The following ARHGEF38 variants were observed in gnomAD, a reference collection of about 807,000 sequenced individuals.
The protein encoded by ARHGEF38 is Rho guanine nucleotide exchange factor (GEF) 38.
Under a neutral mutation model 79.9 loss-of-function variants are expected in ARHGEF38, and 79 were observed. The ratio of observed to expected loss-of-function variants is 0.99; its 90% confidence interval spans 0.82 to 1.19. The LOEUF is 1.19. Ranked by LOEUF, ARHGEF38 falls within the 50% of genes most tolerant of loss-of-function variation. ARHGEF38 has a pLI of 0.00. For synonymous variants in ARHGEF38, 366 were observed against 328.3 expected (o/e 1.11, Z -1.24); for missense variants, 962 against 907.2 (o/e 1.06, Z -0.78).
intron 2 of ARHGEF38, among the ~76,000 whole-genome samples, chr4:105,590,489 T>G (rs1727285570): frequency 6.6e-6 from 1 of 152,184 alleles, no homozygotes; most frequent in Admixed American, 6.5e-5. Flanking sequence ...AGCACATATA[T>G]TTTTACATAA....
chr4:105,561,439 A>AATGGAATGGAATGGAATGGAATGGAATG lies in ARHGEF38; in HGVS notation c.196+8478_196+8479insATGGAATGGAATGGAATGGAATGGAATG, dbSNP rs1560684419. On this transcript the variant is annotated intron_variant, in intron 1 of 13. Coordinates refer to ENST00000420470, the MANE Select transcript of ARHGEF38 (RefSeq NM_001242729.2). ...AGAATAGAATGGAATAGAATAGAAT[A>AATGGAATGGAATGGAATGGAATGGAATG]GAATAGAATGGAATAGAATAGAATA... Among the ~76,000 whole-genome samples the AATGGAATGGAATGGAATGGAATGGAATG allele has an allele frequency of 3.8e-4, 17 of 44,702 alleles. 2 individuals are homozygous for AATGGAATGGAATGGAATGGAATGGAATG. The highest frequency in any genetic ancestry group is 1.2e-3 in the African/African-American group (12 of 10,072). The allele number at this position is 44,702 out of a possible 152,430, so 29.3% of individuals were successfully genotyped here.
chr4:105,678,081 A>G lies in ARHGEF38; in HGVS notation c.*144A>G, dbSNP rs1731183310. On this transcript the variant is annotated 3_prime_UTR_variant, in exon 14 of 14. Coordinates refer to ENST00000420470, the MANE Select transcript of ARHGEF38 (RefSeq NM_001242729.2). ...TGTACTGGGTTTTCAGGAATACTGT[A>G]CTTCCTAACAGGATTATTGCATGAA... The G allele has an allele frequency of 1.8e-6, 1 of 567,786 alleles. No individual in the cohort carries two copies. Among genetic ancestry groups the G allele is most frequent in the South Asian group, 3.9e-5 (1 of 25,366 alleles). 35.2% of individuals were successfully genotyped at this position (567,786 alleles called of 1,614,324 possible).
intron 1 of ARHGEF38, among the ~76,000 whole-genome samples, chr4:105,566,179 C>G (rs1725877808): frequency 6.6e-6 from 1 of 152,194 alleles, no homozygotes; most frequent in Non-Finnish European, 1.5e-5. Context: ...TTTTCACAAC[C>G]TCTATCACTT....
chr4:105,553,070 A>T (rs1725074547), intron 1 of ARHGEF38, 109 bp downstream of exon 1: 12 of 781,716 alleles, frequency 1.5e-5, no homozygotes, highest in Non-Finnish European at 2.2e-5. Context: ...ATTGAATACC[A>T]CCTCTCCTTC....
chr4:105,572,088 A>G (rs1024201831), intron 1 of ARHGEF38, among the ~76,000 whole-genome samples: 7 of 152,220 alleles, frequency 4.6e-5, no homozygotes, highest in African/African-American at 1.7e-4. Flanking sequence ...TCAACTCTGC[A>G]TCTTTATAAA....
chr4:105,650,700 G>A (rs1730063783), intron 7 of ARHGEF38, among the ~76,000 whole-genome samples: 1 of 152,126 alleles, frequency 6.6e-6, no homozygotes, highest in Non-Finnish European at 1.5e-5. Flanking sequence ...TCATGTTCTT[G>A]TTTCTTCTTG....
intron 1 of ARHGEF38, chr4:105,561,600 G>T (rs1116764): frequency 2.0e-5 from 3 of 146,512 alleles, no homozygotes; most frequent in East Asian, 3.9e-4. Flanking sequence ...GTCTCTGTTC[G>T]TCTTTTTTGG....
chr4:105,644,517 G>A (rs537425588), intron 5 of ARHGEF38, among the ~76,000 whole-genome samples: 2 of 152,302 alleles, frequency 1.3e-5, no homozygotes, highest in African/African-American at 2.4e-5. Flanking sequence ...GCTGCTAAAG[G>A]AAAAGTCAGG....
chr4:105,635,262 A>AT (rs1194266569), intron 4 of ARHGEF38, among the ~76,000 whole-genome samples: 1 of 152,014 alleles, frequency 6.6e-6, no homozygotes, highest in Non-Finnish European at 1.5e-5. Flanking sequence ...CCTAAAAGAG[A>AT]TTTTTTTAAA....
rs1204278346 is a variant in ARHGEF38, at chr4:105,680,911, T to C, written c.*2974T>C. 2.6e-5 allele frequency: 4 copies of C among 152,176 alleles called. No individual in the cohort carries two copies. Among genetic ancestry groups the C allele is most frequent in the Non-Finnish European group, 5.9e-5 (4 of 68,022 alleles). The allele number at this position is 152,176 out of a possible 1,614,324, so 9.4% of individuals were successfully genotyped here. On this transcript the variant is annotated 3_prime_UTR_variant, in exon 14 of 14. Transcript: ENST00000420470. ...GTGAACTGTAATAAACATTACTGCT[T>C]TCATTTTTTGTAGGTATGGAGGTTA...
chr4:105,593,504 C>G (rs1254112179), intron 2 of ARHGEF38, among the ~76,000 whole-genome samples: 1 of 152,166 alleles, frequency 6.6e-6, no homozygotes, highest in African/African-American at 2.4e-5. Flanking sequence ...CGCCACTGTA[C>G]TGCAGCCTGA....
chr4:105,630,727 G>A (rs569929273), intron 3 of ARHGEF38, among the ~76,000 whole-genome samples, 171 bp from the exon 4 acceptor site: 2 of 152,132 alleles, frequency 1.3e-5, no homozygotes, highest in South Asian at 4.2e-4. Context: ...AAGGAAAAAG[G>A]AAAGAAAAGG....
Position 105,659,165 on chromosome 4 carries a change from A to G in ARHGEF38, c.1345A>G (p.Ser449Gly), listed in dbSNP as rs757802267. The change falls in exon 10 of 14, where the codon AGC becomes GGC. Residue 449 changes from serine (S) to glycine (G), a missense_variant. Transcript: ENST00000420470. ...CTATGACAAACTGCTGGATTGCAACAGCTACCTGCAGCGATCAACGGGAGA... is the reference window on the plus strand; with the variant it reads ...CTATGACAAACTGCTGGATTGCAACGGCTACCTGCAGCGATCAACGGGAGA... ...KRYDKLLDCN[S>G]YLQRSTGEES... 4 of 1,536,030 alleles carry G rather than the reference A, an allele frequency of 2.6e-6. No homozygotes were observed. The highest frequency in any genetic ancestry group is 3.5e-6 in the Non-Finnish European group (4 of 1,146,884).
At chr4:105,658,378 C>T (rs934425056) in intron 9 of ARHGEF38, among the ~76,000 whole-genome samples, 2 of 151,864 alleles carry the variant, frequency 1.3e-5, no homozygotes, top group East Asian at 1.9e-4. Flanking sequence ...CCAGCCTGGG[C>T]GACAGAGTGA....
intron 1 of ARHGEF38, among the ~76,000 whole-genome samples, chr4:105,568,703 C>T (rs1430375328): frequency 6.6e-6 from 1 of 152,182 alleles, no homozygotes; most frequent in Non-Finnish European, 1.5e-5. Context: ...TCTCCACAGT[C>T]AAATGACTGT....
At chr4:105,647,798 G>T (rs1288333255) in intron 6 of ARHGEF38, among the ~76,000 whole-genome samples, 2 of 152,022 alleles carry the variant, frequency 1.3e-5, no homozygotes, top group Admixed American at 6.6e-5. Context: ...AGGTTATTCA[G>T]CTTGCCCCAA....
chr4:105,670,051 G>A lies in ARHGEF38; in HGVS notation c.2148+2348G>A, dbSNP rs564046866. 9.9e-5 allele frequency among the ~76,000 whole-genome samples: 15 copies of A among 152,162 alleles called. No homozygotes were observed. The South Asian group carries it at 2.7e-3, about 27-fold the overall frequency. On this transcript the variant is annotated intron_variant, in intron 13 of 13. Coordinates refer to ENST00000420470, the MANE Select transcript of ARHGEF38 (RefSeq NM_001242729.2). ...CCACTCACCAGTTGATGGTCATTTGGGTAACTTCTAGTTTGGGGCTATTGT... is the reference window on the plus strand; with the variant it reads ...CCACTCACCAGTTGATGGTCATTTGAGTAACTTCTAGTTTGGGGCTATTGT...
At chr4:105,561,459 A>AATGGAATGGAATGGAATGGAATGGAATG (rs1725574431) in intron 1 of ARHGEF38, 1 of 38,078 alleles carries the variant, frequency 2.6e-5, no homozygotes, top group Admixed American at 2.8e-4. Flanking sequence ...GGAATAGAAT[A>AATGGAATGGAATGGAATGGAATGGAATG]GAATAGAATA....
chr4:105,671,300 G>T (rs1730949685), intron 13 of ARHGEF38, among the ~76,000 whole-genome samples: 1 of 152,130 alleles, frequency 6.6e-6, no homozygotes, highest in South Asian at 2.1e-4. Flanking sequence ...AACTGAAGGT[G>T]AACCCTGTGC....
Sources: allele counts gnomAD v4.1 joint callset (sites outside exome capture counted in the v4.1 genomes callset), GRCh38; gene constraint gnomAD v4.1.1; transcripts MANE v1.5; gene names NCBI Gene and HGNC (gene_info 2026-07-23, HGNC 2026-07-21).